The following SH2D4B variants were observed in gnomAD, a reference collection of about 807,000 sequenced individuals.
The protein encoded by SH2D4B is SH2 domain-containing protein 4B.
In SH2D4B, 45 loss-of-function variants were observed where a neutral mutation model predicts 61.5. The ratio of observed to expected loss-of-function variants is 0.73; its 90% confidence interval spans 0.58 to 0.94. The LOEUF (loss-of-function observed/expected upper bound fraction) is 0.94, where lower values mean the gene tolerates loss of function less well. Ranked by LOEUF, SH2D4B falls within the 40% of genes least tolerant of loss-of-function variation. SH2D4B has a pLI of 0.00. For missense variants in SH2D4B, 572 were observed against 574.2 expected (o/e 1.00, Z 0.04); for synonymous variants, 224 against 220.4 (o/e 1.02, Z -0.14).
chr10:80,637,113 A>C (rs2132164164), intron 7 of SH2D4B, among the ~76,000 whole-genome samples: 1 of 152,230 alleles, frequency 6.6e-6, no homozygotes, highest in East Asian at 1.9e-4. Context: ...ATGTGGTGTT[A>C]TTTCTGAGGC....
At position 80,644,183 on chromosome 10, in the gene SH2D4B, C is replaced by G. The variant is rs199836337; in HGVS notation, c.*98C>G. 61 of 941,224 alleles carry G rather than the reference C, an allele frequency of 6.5e-5. No individual in the cohort carries two copies. The highest frequency in any genetic ancestry group is 4.3e-5 in the Admixed American group (2 of 47,034). The allele number at this position is 941,224 out of a possible 1,614,324, so 58.3% of individuals were successfully genotyped here. A position where few individuals can be genotyped will look rare whatever the true frequency, so the allele number is the denominator to read the frequency against. ...ATCCTATGGCCTTCTGGAAGATCCACCACTATCCAAAGGAAAAAGTAGATT... is the reference window on the plus strand; with the variant it reads ...ATCCTATGGCCTTCTGGAAGATCCAGCACTATCCAAAGGAAAAAGTAGATT... On this transcript the variant is annotated 3_prime_UTR_variant, in exon 8 of 8. Coordinates refer to ENST00000646907, the MANE Select transcript of SH2D4B (RefSeq NM_001388272.1).
chr10:80,582,722 G>C (rs926256973), intron 3 of SH2D4B, among the ~76,000 whole-genome samples: 1 of 152,192 alleles, frequency 6.6e-6, no homozygotes, highest in Non-Finnish European at 1.5e-5. Context: ...GGCCACTCCT[G>C]AGGGGAGACT....
chr10:80,610,946 G>A (rs766705798), intron 6 of SH2D4B, among the ~76,000 whole-genome samples: 2 of 152,006 alleles, frequency 1.3e-5, no homozygotes, highest in Non-Finnish European at 2.9e-5. Context: ...TGAGGCAGGA[G>A]GATCACTTGA....
At chr10:80,638,850 G>A (rs541472686) in intron 7 of SH2D4B, among the ~76,000 whole-genome samples, 2 of 152,168 alleles carry the variant, frequency 1.3e-5, no homozygotes, top group South Asian at 4.2e-4. Context: ...GTTTGCTCTT[G>A]CTTCTCTAGT....
chr10:80,584,405 G>A (rs1842219087), intron 3 of SH2D4B, among the ~76,000 whole-genome samples: 1 of 152,138 alleles, frequency 6.6e-6, no homozygotes, highest in Non-Finnish European at 1.5e-5. Flanking sequence ...CACAGAGAAT[G>A]ATTTACTACA....
intron 7 of SH2D4B, among the ~76,000 whole-genome samples, chr10:80,636,284 ATGATTTAT>A (rs1840166873): frequency 1.3e-5 from 2 of 152,178 alleles, no homozygotes; most frequent in African/African-American, 4.8e-5. Flanking sequence ...TTATAGTAGC[ATGATTTAT>A]CATCCTTTGG....
rs1445960802 is a variant in SH2D4B at position 80,603,814 on chromosome 10, T to C, written c.860+19T>C. ...CGGTCAGGTGGGTCCAGGCTCCGTG[T>C]TGGTGTGGTTGGGGCAAGGGCCTTG... On this transcript the variant is annotated intron_variant, in intron 5 of 7. Transcript: ENST00000646907. 2 of 1,597,920 alleles carry C rather than the reference T, an allele frequency of 1.3e-6. No homozygotes were observed. The highest frequency in any genetic ancestry group is 1.7e-5 in the Admixed American group (1 of 58,482).
At chr10:80,554,550 T>TG (rs1841802854) in intron 1 of SH2D4B, among the ~76,000 whole-genome samples, 1 of 152,008 alleles carries the variant, frequency 6.6e-6, no homozygotes, top group Non-Finnish European at 1.5e-5. Flanking sequence ...CCCAGCAAGG[T>TG]GGAAACTCAA....
chr10:80,540,991 C>G, intron 1 of SH2D4B: 1 of 1,206,240 alleles, frequency 8.3e-7, no homozygotes, highest in South Asian at 1.3e-5. Flanking sequence ...AGAAAGAACT[C>G]GGGAATGAGT....
chr10:80,589,696 A>G (rs12766852), intron 4 of SH2D4B, among the ~76,000 whole-genome samples: 15,058 of 152,260 alleles, frequency 0.099, 853 homozygotes, highest in Admixed American at 0.14. Flanking sequence ...GATGTAGCAC[A>G]TACAACATAG....
intron 1 of SH2D4B, among the ~76,000 whole-genome samples, chr10:80,556,581 C>A (rs145212729): frequency 1.3e-5 from 2 of 152,088 alleles, no homozygotes; most frequent in Non-Finnish European, 2.9e-5. Context: ...TTATTTAGGT[C>A]GTCAATTTCT....
chr10:80,546,046 C>CTTTT (rs577179576), intron 1 of SH2D4B, among the ~76,000 whole-genome samples: 8 of 130,402 alleles, frequency 6.1e-5, no homozygotes, highest in South Asian at 2.4e-4. Context: ...CTCTCTCTTT[C>CTTTT]TTTTTTTTTT....
intron 6 of SH2D4B, among the ~76,000 whole-genome samples, chr10:80,626,453 T>C (rs889428096): frequency 1.3e-5 from 2 of 152,242 alleles, no homozygotes; most frequent in Admixed American, 1.3e-4. Flanking sequence ...TATGTGTCTG[T>C]GATAATTGTT....
At chr10:80,550,563 C>T (rs1487264156) in intron 1 of SH2D4B, among the ~76,000 whole-genome samples, 5 of 151,842 alleles carry the variant, frequency 3.3e-5, no homozygotes, top group East Asian at 1.9e-4. Context: ...CACTGCACTC[C>T]GGCCTGGGTG....
chr10:80,565,042 C>T (rs930811167), intron 1 of SH2D4B, among the ~76,000 whole-genome samples: 5 of 152,166 alleles, frequency 3.3e-5, no homozygotes, highest in African/African-American at 9.7e-5. Context: ...CACAGGTTGG[C>T]ATTTGCCTTA....
intron 2 of SH2D4B, 132 bp from the exon 3 acceptor site, chr10:80,571,299 C>T: frequency 2.0e-6 from 2 of 1,019,204 alleles, no homozygotes; most frequent in Non-Finnish European, 2.8e-6. Flanking sequence ...ATGCCTATTT[C>T]TCCCTGTCTT....
intron 7 of SH2D4B, 96 bp downstream of exon 7, chr10:80,634,601 C>T (rs1842875475): frequency 6.7e-7 from 1 of 1,491,464 alleles, no homozygotes; most frequent in South Asian, 1.3e-5. Context: ...GCTGCTGGCT[C>T]TGGGCAGTGG....
Position 80,539,826 on chromosome 10 carries a change from G to A in SH2D4B, c.184+1311G>A, listed in dbSNP as rs1464647620. On this transcript the variant is annotated intron_variant, in intron 1 of 7. Transcript: ENST00000646907. The surrounding 1 kb of genome is among the most constrained non-coding windows in gnomAD (Gnocchi z 4.9). ...GCACATGGTGTTAAATCCTTGTTTT[G>A]AACAAGACACAGCAGGACCCTGCCG... Among the ~76,000 whole-genome samples, 1 of 152,160 alleles carries A rather than the reference G, an allele frequency of 6.6e-6. No individual in the cohort carries two copies. The highest frequency in any genetic ancestry group is 1.5e-5 in the Non-Finnish European group (1 of 68,040).
chr10:80,598,104 T>A (rs949045898), intron 4 of SH2D4B, among the ~76,000 whole-genome samples: 5 of 152,200 alleles, frequency 3.3e-5, no homozygotes, highest in African/African-American at 1.2e-4. Flanking sequence ...GGGAGTCCTG[T>A]GCTAGCTCTG....
Sources: gnomAD v4.1 joint callset for allele counts (sites outside exome capture counted in the v4.1 genomes callset) on GRCh38, gnomAD v4.1.1 for gene constraint, Gnocchi (gnomAD v3.1) non-coding constraint, MANE v1.5 for transcripts, NCBI Gene and HGNC (gene_info 2026-07-23, HGNC 2026-07-21) for gene names.